The following MTSS1 variants were observed in gnomAD, a reference collection of about 807,000 sequenced individuals.
MTSS1 encodes the protein MTSS I-BAR domain containing 1, also known as protein MTSS 1.
Under a neutral mutation model 79.0 loss-of-function variants are expected in MTSS1, and 18 were observed. The observed-to-expected ratio is 0.23, with a 90% CI of 0.16 to 0.34. MTSS1 has a LOEUF of 0.34. Among genes scored for constraint, MTSS1 ranks in the 10% least tolerant of loss-of-function variants. The pLI is 1.00. For synonymous variants in MTSS1, 341 were observed against 368.6 expected, an observed-to-expected ratio of 0.93 and a Z score of 0.86; for missense variants, 815 against 986.2, an observed-to-expected ratio of 0.83 and a Z score of 2.33.
In MTSS1 at chr8:124,553,394, G is replaced by A. The variant is rs376083580; in HGVS notation, c.1866C>T (p.Thr622=). ...GCAACACCCCTGGGAGGTCTGGGAC[G>A]GTTGGGGTCTTGACAGGGATCACGG... The part of the protein sequence containing the change: ...KTPVIPVKTP[T]VPDLPGVLPA... Residue 622 remains threonine, a synonymous_variant, in exon 14 of 14, where the codon ACC becomes ACT. Coordinates refer to ENST00000518547, the MANE Select transcript of MTSS1 (RefSeq NM_014751.6). The surrounding 1 kb of genome is among the most constrained non-coding windows in gnomAD (Gnocchi z 6.0). 1.6e-5 allele frequency: 25 copies of A among 1,608,494 alleles called. No individual in the cohort carries two copies. The African/African-American group carries it at 2.3e-4, about 15-fold the overall frequency.
rs370782258 is a variant in MTSS1, at chr8:124,700,759, G to T, written c.135-1160C>A. Among the ~76,000 whole-genome samples the T allele has an allele frequency of 7.6e-4, 115 of 152,246 alleles. 4 individuals are homozygous for T. The South Asian group carries it at 0.023, about 31-fold the overall frequency. On this transcript the variant is annotated intron_variant, in intron 2 of 13. Coordinates refer to ENST00000518547, the MANE Select transcript of MTSS1 (RefSeq NM_014751.6). ...GTCAACACTCCAAGCCAGGGCCATGGATTCCACACAAACAAGCCCCAGAAC... is the reference window on the plus strand; with the variant it reads ...GTCAACACTCCAAGCCAGGGCCATGTATTCCACACAAACAAGCCCCAGAAC...
intron 3 of MTSS1, chr8:124,698,043 G>A (rs913088493): frequency 1.3e-5 from 2 of 152,172 alleles, no homozygotes; most frequent in East Asian, 3.8e-4. Flanking sequence ...TAGTTTCTAT[G>A]TTGAAATTCT....
chr8:124,627,655 G>A (rs1814966581), intron 3 of MTSS1, among the ~76,000 whole-genome samples: 1 of 152,228 alleles, frequency 6.6e-6, no homozygotes, highest in Non-Finnish European at 1.5e-5. Flanking sequence ...AGCAGCCCTG[G>A]GAGATGGCCA....
chr8:124,675,149 G>A (rs1563978379), intron 3 of MTSS1, among the ~76,000 whole-genome samples: 1 of 152,238 alleles, frequency 6.6e-6, no homozygotes, highest in Non-Finnish European at 1.5e-5. Flanking sequence ...TGCCCTCCGA[G>A]GGGCAGAATA....
At chr8:124,608,250 G>A (rs1001157140) in intron 3 of MTSS1, among the ~76,000 whole-genome samples, 4 of 151,950 alleles carry the variant, frequency 2.6e-5, no homozygotes, top group Non-Finnish European at 4.4e-5. Flanking sequence ...TTTATTAACT[G>A]TGTTCTTCTA....
At position 124,727,235 on chromosome 8, in the gene MTSS1, T is replaced by C. The variant is rs1833848447; in HGVS notation, c.72+649A>G. Among the ~76,000 whole-genome samples, 1 of 152,188 alleles carries C rather than the reference T, an allele frequency of 6.6e-6. No homozygotes were observed. Among genetic ancestry groups the C allele is most frequent in the Admixed American group, 6.5e-5 (1 of 15,286 alleles). Reference sequence around the variant, plus strand: ...CCCCAATCTTGCCTTTAGGCTCAGCTGGGAGAAGGCGGGGCCCCTGCAAGG... The same window carrying C: ...CCCCAATCTTGCCTTTAGGCTCAGCCGGGAGAAGGCGGGGCCCCTGCAAGG... On this transcript the variant is annotated intron_variant, in intron 1 of 13. Transcript: ENST00000518547. The surrounding 1 kb of genome is among the most constrained non-coding windows in gnomAD (Gnocchi z 4.7).
rs913517242 is a variant in MTSS1, at chr8:124,683,431, A to T, written c.208+16095T>A. On this transcript the variant is annotated intron_variant, in intron 3 of 13. Transcript: ENST00000518547. This position sits in a 1 kb window ranked among gnomAD's most constrained non-coding sequence, Gnocchi z 4.5. ...TAGATATGTACACATATATACAGATATATGTACATGCAAGGATCCAAACCT... is the reference window on the plus strand; with the variant it reads ...TAGATATGTACACATATATACAGATTTATGTACATGCAAGGATCCAAACCT... Among the ~76,000 whole-genome samples the T allele has an allele frequency of 6.6e-6, 1 of 152,234 alleles. No homozygotes were observed. The highest frequency in any genetic ancestry group is 2.4e-5 in the African/African-American group (1 of 41,456).
chr8:124,585,017 CCT>C, intron 6 of MTSS1, 68 bp downstream of exon 6: 1 of 1,319,508 alleles, frequency 7.6e-7, no homozygotes, highest in East Asian at 2.3e-5. Context: ...GAAGTGAACA[CCT>C]TTCACTTCAA....
intron 3 of MTSS1, among the ~76,000 whole-genome samples, chr8:124,617,357 G>A (rs1318270641): frequency 6.6e-6 from 1 of 152,112 alleles, no homozygotes; most frequent in African/African-American, 2.4e-5. Context: ...TTCAGACCGC[G>A]AGCAGACGTG....
chr8:124,649,934 A>G (rs1250618539), intron 3 of MTSS1, among the ~76,000 whole-genome samples: 1 of 151,726 alleles, frequency 6.6e-6, no homozygotes, highest in Admixed American at 6.6e-5. Context: ...GTCTCCGAAC[A>G]TTGTATCTTT....
chr8:124,653,183 C>T (rs1336214452), intron 3 of MTSS1, among the ~76,000 whole-genome samples: 1 of 152,190 alleles, frequency 6.6e-6, no homozygotes, highest in East Asian at 1.9e-4. Context: ...ATTTTAAAAG[C>T]CCAGACCAAC....
chr8:124,658,772 C>T (rs796974758), intron 3 of MTSS1, among the ~76,000 whole-genome samples: 2 of 152,152 alleles, frequency 1.3e-5, no homozygotes, highest in Non-Finnish European at 2.9e-5. Flanking sequence ...GGAAATCCAC[C>T]CCCACAGTCC....
intron 3 of MTSS1, among the ~76,000 whole-genome samples, chr8:124,633,778 A>G (rs1289412255): frequency 6.6e-6 from 1 of 151,822 alleles, no homozygotes; most frequent in Non-Finnish European, 1.5e-5. Flanking sequence ...TCTCAAAAAA[A>G]AAAAAACCAA....
At chr8:124,577,524 A>C in intron 6 of MTSS1, 2 of 514,248 alleles carry the variant, frequency 3.9e-6, no homozygotes, top group Middle Eastern at 3.2e-4. Context: ...GGCATGAGCC[A>C]CTGTGCCCGG....
chr8:124,709,698 C>T (rs992444779), intron 1 of MTSS1, among the ~76,000 whole-genome samples: 12 of 152,160 alleles, frequency 7.9e-5, no homozygotes, highest in African/African-American at 2.7e-4. Flanking sequence ...TGTTTACAAG[C>T]GTGTAAAGAG....
At chr8:124,586,642 A>G (rs141921766) in intron 5 of MTSS1, among the ~76,000 whole-genome samples, 95 of 152,278 alleles carry the variant, frequency 6.2e-4, no homozygotes, top group African/African-American at 2.1e-3. Context: ...TCCCTGAGTT[A>G]AAGGCTGAAT....
In MTSS1 at chr8:124,653,495, G is replaced by A. The variant is rs544607921; in HGVS notation, c.208+46031C>T. Among the ~76,000 whole-genome samples, 64 of 152,240 alleles carry A rather than the reference G, an allele frequency of 4.2e-4. 1 individual carries two copies. In the South Asian group the frequency reaches 0.011, roughly 26 times the overall value. On this transcript the variant is annotated intron_variant, in intron 3 of 13. Coordinates refer to ENST00000518547, the MANE Select transcript of MTSS1 (RefSeq NM_014751.6). The stretch of plus-strand genomic sequence containing the variant: ...TCCCAGCACTTTGGGAGGCCAAGGC[G>A]GGTGGATCACCTGAAGCCAGGAATT...
chr8:124,666,338 C>T (rs1823065634), intron 3 of MTSS1, among the ~76,000 whole-genome samples: 1 of 152,230 alleles, frequency 6.6e-6, no homozygotes, highest in Admixed American at 6.5e-5. Flanking sequence ...TGCAAACTAT[C>T]AACTCTAATA....
chr8:124,622,485 G>GAAAAA lies in MTSS1; in HGVS notation c.209-31255_209-31251dup, dbSNP rs74650146. On this transcript the variant is annotated intron_variant, in intron 3 of 13. Coordinates refer to ENST00000518547, the MANE Select transcript of MTSS1 (RefSeq NM_014751.6). The stretch of plus-strand genomic sequence containing the variant: ...AGATTTTAGGAGCTCTTGCCATATT[G>GAAAAA]AAAAAAAAAAAAAAAAAAAAGGTAA... 8.0e-5 allele frequency among the ~76,000 whole-genome samples: 8 copies of GAAAAA among 99,536 alleles called. No individual in the cohort carries two copies. The East Asian group carries it at 2.3e-3, about 29-fold the overall frequency. 65.3% of individuals were successfully genotyped at this position (99,536 alleles called of 152,430 possible).
Sources: allele counts gnomAD v4.1 joint callset (sites outside exome capture counted in the v4.1 genomes callset), GRCh38; gene constraint gnomAD v4.1.1; non-coding constraint Gnocchi (gnomAD v3.1); transcripts MANE v1.5; gene names NCBI Gene and HGNC (gene_info 2026-07-23, HGNC 2026-07-21).